Variants in DLGAP2 observed in about 807,000 individuals in gnomAD.
DLGAP2 encodes the protein DLG associated protein 2.
DLGAP2 carries 26 observed loss-of-function variants against 100.3 expected under a neutral mutation model. That is an observed-to-expected ratio of 0.26 (90% CI 0.19 to 0.36). The LOEUF (loss-of-function observed/expected upper bound fraction) is 0.36, where lower values mean the gene tolerates loss of function less well. Among genes scored for constraint, DLGAP2 ranks in the 10% least tolerant of loss-of-function variants. The probability of loss-of-function intolerance (pLI) is 1.00; values close to 1 mark genes in which losing one functional copy is unlikely to be tolerated. For missense variants in DLGAP2, 1,858 were observed against 1,453.2 expected (o/e 1.28, Z -4.53); for synonymous variants, 886 against 630.1 (o/e 1.41, Z -6.08).
At chr8:1,058,389 C>G (rs1445819357) in intron 2 of DLGAP2, among the ~76,000 whole-genome samples, 1 of 152,228 alleles carries the variant, frequency 6.6e-6, no homozygotes, top group East Asian at 1.9e-4. Flanking sequence ...CCATGCTCTG[C>G]TGTGAGATGC....
At chr8:1,271,791 A>G (rs144455437) in intron 3 of DLGAP2, among the ~76,000 whole-genome samples, 3 of 152,202 alleles carry the variant, frequency 2.0e-5, no homozygotes, top group African/African-American at 7.2e-5. Context: ...AATTAGAATG[A>G]TTTCTTTTTA....
At chr8:1,055,572 C>A (rs112291004) in intron 2 of DLGAP2, among the ~76,000 whole-genome samples, 24 of 152,290 alleles carry the variant, frequency 1.6e-4, no homozygotes, top group African/African-American at 5.8e-4. Context: ...CTAATGTTTT[C>A]CATCAAATAT....
chr8:804,941 T>A (rs997825401), intron 1 of DLGAP2, among the ~76,000 whole-genome samples: 9 of 152,118 alleles, frequency 5.9e-5, no homozygotes, highest in African/African-American at 1.9e-4. Flanking sequence ...ATTTTTTTTG[T>A]TTGTTTTTTT....
chr8:957,335 C>T lies in DLGAP2; in HGVS notation c.73+49369C>T, dbSNP rs138713768. Among the ~76,000 whole-genome samples the T allele has an allele frequency of 4.6e-3, 704 of 152,320 alleles. 4 individuals are homozygous for T. Among genetic ancestry groups the T allele is most frequent in the African/African-American group, 0.016 (670 of 41,578 alleles). Reference sequence around the variant, plus strand: ...AGGGAAACCCAAGGGTGCATTCCATCGGCCCTGTGTGTGGAGTTCAGGTTA... The same window carrying T: ...AGGGAAACCCAAGGGTGCATTCCATTGGCCCTGTGTGTGGAGTTCAGGTTA... On this transcript the variant is annotated intron_variant, in intron 2 of 14. Transcript: ENST00000637795.
chr8:1,363,321 C>A (rs562833565), intron 3 of DLGAP2, among the ~76,000 whole-genome samples: 3 of 152,136 alleles, frequency 2.0e-5, no homozygotes, highest in Admixed American at 1.3e-4. Flanking sequence ...GTCCCACGCC[C>A]GTGGCATGCT....
chr8:1,011,413 A>G (rs549571404), intron 2 of DLGAP2, among the ~76,000 whole-genome samples: 9 of 147,544 alleles, frequency 6.1e-5, no homozygotes, highest in Non-Finnish European at 1.2e-4. Flanking sequence ...CTCAGTCTAC[A>G]CAGTGAGCCC....
chr8:1,580,081 T>C (rs1803166402), intron 6 of DLGAP2, among the ~76,000 whole-genome samples: 1 of 152,194 alleles, frequency 6.6e-6, no homozygotes, highest in African/African-American at 2.4e-5. Flanking sequence ...CTGTACACGA[T>C]GACCAAGATT....
intron 4 of DLGAP2, among the ~76,000 whole-genome samples, chr8:1,523,752 C>A (rs933506661): frequency 6.6e-6 from 1 of 152,320 alleles, no homozygotes; most frequent in Non-Finnish European, 1.5e-5. Flanking sequence ...TGTGCTCCTT[C>A]GTTACATCCC....
At chr8:1,502,221 C>T (rs927984242) in intron 4 of DLGAP2, among the ~76,000 whole-genome samples, 1 of 152,240 alleles carries the variant, frequency 6.6e-6, no homozygotes, top group Admixed American at 6.5e-5. Context: ...GCCTCTTTCT[C>T]AAGCCACTGA....
intron 3 of DLGAP2, among the ~76,000 whole-genome samples, chr8:1,448,397 T>C (rs559331642): frequency 5.6e-4 from 85 of 152,312 alleles, no homozygotes; most frequent in Non-Finnish European, 7.1e-4. Flanking sequence ...TTGAGTGGTT[T>C]TGAGTGAGTT....
intron 10 of DLGAP2, among the ~76,000 whole-genome samples, chr8:1,674,764 G>A (rs976920846): frequency 6.6e-6 from 1 of 152,080 alleles, no homozygotes; most frequent in Non-Finnish European, 1.5e-5. Flanking sequence ...TATAATGGCA[G>A]AAAACTAGAA....
At chr8:997,766 C>G (rs538729906) in intron 2 of DLGAP2, among the ~76,000 whole-genome samples, 4 of 152,198 alleles carry the variant, frequency 2.6e-5, no homozygotes, top group Non-Finnish European at 2.9e-5. Context: ...CCTGCGTTTT[C>G]TCGTGCATTT....
intron 3 of DLGAP2, among the ~76,000 whole-genome samples, chr8:1,459,702 T>TC (rs1563162424): frequency 6.6e-6 from 1 of 150,488 alleles, no homozygotes; most frequent in African/African-American, 2.4e-5. Flanking sequence ...TTTTTTTTTT[T>TC]TGAGATGGAG....
intron 3 of DLGAP2, among the ~76,000 whole-genome samples, chr8:1,500,330 T>C (rs1799678325): frequency 6.6e-6 from 1 of 152,040 alleles, no homozygotes; most frequent in African/African-American, 2.4e-5. Flanking sequence ...TGCAGCCAGG[T>C]AGAAACCAAG....
chr8:1,149,302 C>T (rs1439921133), intron 2 of DLGAP2, among the ~76,000 whole-genome samples: 1 of 152,150 alleles, frequency 6.6e-6, no homozygotes, highest in African/African-American at 2.4e-5. Context: ...CCCGCCACCG[C>T]ACCCGGCTAA....
intron 1 of DLGAP2, among the ~76,000 whole-genome samples, chr8:791,696 C>G (rs185282107): frequency 3.3e-5 from 5 of 152,222 alleles, no homozygotes; most frequent in Middle Eastern, 6.8e-3. Flanking sequence ...TTTAAAATTC[C>G]TTTAAAAAAC....
At chr8:1,666,061 G>C (rs570040791) in intron 8 of DLGAP2, among the ~76,000 whole-genome samples, 2 of 152,108 alleles carry the variant, frequency 1.3e-5, no homozygotes, top group Non-Finnish European at 2.9e-5. Context: ...AGTCCCCAAC[G>C]CGTCCCACCC....
intron 4 of DLGAP2, among the ~76,000 whole-genome samples, chr8:1,520,668 G>C (rs892401124): frequency 1.3e-5 from 2 of 152,124 alleles, no homozygotes; most frequent in Non-Finnish European, 2.9e-5. Context: ...AATGACCCAT[G>C]GATTCAAAGA....
chr8:1,156,769 C>T (rs974158693), intron 2 of DLGAP2, among the ~76,000 whole-genome samples: 9 of 152,158 alleles, frequency 5.9e-5, no homozygotes, highest in Non-Finnish European at 1.2e-4. Context: ...TCAGGATCCC[C>T]GGCTGGTGCT....
Sources: gnomAD v4.1 joint callset for allele counts (sites outside exome capture counted in the v4.1 genomes callset) on GRCh38, gnomAD v4.1.1 for gene constraint, MANE v1.5 for transcripts, NCBI Gene and HGNC (gene_info 2026-07-23, HGNC 2026-07-21) for gene names.